KLHL29: variants seen among roughly 807,000 people sequenced by gnomAD.
KLHL29 encodes the protein kelch like family member 29, also known as kelch-like protein 29.
In KLHL29, 21 loss-of-function variants were observed where a neutral mutation model predicts 80.4. The observed-to-expected ratio is 0.26, with a 90% confidence interval of 0.19 to 0.38. The LOEUF (loss-of-function observed/expected upper bound fraction) is 0.38, where lower values mean the gene tolerates loss of function less well. Among genes scored for constraint, KLHL29 ranks in the 10% least tolerant of loss-of-function variants. The pLI, the probability that KLHL29 is intolerant of heterozygous loss-of-function variation, is 1.00. For synonymous variants in KLHL29, 511 were observed against 526.8 expected, an observed-to-expected ratio of 0.97 and a Z score of 0.41; for missense variants, 867 against 1,223.9, an observed-to-expected ratio of 0.71 and a Z score of 4.35.
At chr2:23,618,325 C>T (rs1171238492) in intron 3 of KLHL29, among the ~76,000 whole-genome samples, 1 of 152,076 alleles carries the variant, frequency 6.6e-6, no homozygotes, top group Non-Finnish European at 1.5e-5. Flanking sequence ...GGTATTTGGG[C>T]CAAAGATGAT....
intron 1 of KLHL29, among the ~76,000 whole-genome samples, chr2:23,465,253 G>A (rs148109736): frequency 5.8e-3 from 876 of 152,292 alleles, no homozygotes; most frequent in Non-Finnish European, 0.01. Context: ...CAGCGTTTGG[G>A]TGCTGATGGG....
intron 1 of KLHL29, among the ~76,000 whole-genome samples, chr2:23,429,375 A>T (rs1403670587): frequency 1.3e-5 from 2 of 152,190 alleles, no homozygotes; most frequent in Non-Finnish European, 2.9e-5. Flanking sequence ...GCCCTGAGGG[A>T]CAGAGCTTTG....
In KLHL29 at chr2:23,703,831, C is replaced by T; in HGVS notation, c.2412C>T (p.Gly804=). 2.0e-6 allele frequency: 3 copies of T among 1,537,398 alleles called. No homozygotes were observed. Among genetic ancestry groups the T allele is most frequent in the African/African-American group, 1.4e-5 (1 of 73,172 alleles). The change falls in exon 13 of 14, where the codon GGC becomes GGT. Residue 804 remains glycine, a synonymous_variant. Transcript: ENST00000486442. ...YDPEKGNIKA[G]PNMNHSRQFC... ...CTGAGAAAGGAAACATTAAGGCGGG[C>T]CCAAACATGAACCACTCTCGCCAGT...
Position 23,506,090 on chromosome 2 carries a change from G to A in KLHL29, c.-46+30423G>A, listed in dbSNP as rs141249404. On this transcript the variant is annotated intron_variant, in intron 2 of 13. Transcript: ENST00000486442. ...GCAGCAACAGGAGCACTCTGGGCTTGAGAACCCTTGGTATCCTTTCATCTT... is the reference window on the plus strand; with the variant it reads ...GCAGCAACAGGAGCACTCTGGGCTTAAGAACCCTTGGTATCCTTTCATCTT... Among the ~76,000 whole-genome samples the A allele has an allele frequency of 3.1e-3, 471 of 152,350 alleles. 4 individuals carry two copies. Among genetic ancestry groups the A allele is most frequent in the African/African-American group, 0.011 (444 of 41,582 alleles).
chr2:23,512,844 C>T (rs1158539021), intron 2 of KLHL29, among the ~76,000 whole-genome samples: 2 of 152,226 alleles, frequency 1.3e-5, no homozygotes, highest in African/African-American at 4.8e-5. Flanking sequence ...TTTTCCAGGC[C>T]CTGGAGATTG....
At chr2:23,620,811 T>C (rs576817532) in intron 3 of KLHL29, among the ~76,000 whole-genome samples, 7 of 152,190 alleles carry the variant, frequency 4.6e-5, no homozygotes, top group African/African-American at 1.7e-4. Flanking sequence ...ATAAACATCA[T>C]TGAAAGAGAG....
At chr2:23,556,476 C>CA (rs113043704) in intron 2 of KLHL29, among the ~76,000 whole-genome samples, 22,602 of 143,546 alleles carry the variant, frequency 0.16, 2,481 homozygotes, top group African/African-American at 0.3. Flanking sequence ...CCATTTCTAC[C>CA]AAAAAAAAAA....
intron 4 of KLHL29, 93 bp from the exon 5 acceptor site, chr2:23,642,245 G>A: frequency 2.5e-6 from 3 of 1,202,682 alleles, no homozygotes; most frequent in Middle Eastern, 2.0e-4. Flanking sequence ...GTTCCCCTCT[G>A]TGACCTAGCA....
At chr2:23,606,130 C>T (rs1668715863) in intron 3 of KLHL29, among the ~76,000 whole-genome samples, 1 of 149,082 alleles carries the variant, frequency 6.7e-6, no homozygotes, top group Non-Finnish European at 1.5e-5. Flanking sequence ...GGGGATCATT[C>T]CGTGAGCTAG....
chr2:23,504,162 A>T (rs1665529203), intron 2 of KLHL29, among the ~76,000 whole-genome samples: 1 of 152,230 alleles, frequency 6.6e-6, no homozygotes, highest in Non-Finnish European at 1.5e-5. Flanking sequence ...TACTGTGTTC[A>T]GGGGCCAGAT....
intron 2 of KLHL29, among the ~76,000 whole-genome samples, chr2:23,516,248 C>A (rs1665918909): frequency 6.6e-6 from 1 of 152,102 alleles, no homozygotes; most frequent in African/African-American, 2.4e-5. Context: ...GCCATGGGCA[C>A]CTGCTGGGCC....
At chr2:23,605,462 G>T (rs1441357627) in intron 3 of KLHL29, among the ~76,000 whole-genome samples, 4 of 152,080 alleles carry the variant, frequency 2.6e-5, no homozygotes, top group African/African-American at 9.7e-5. Flanking sequence ...GGCTTCATAG[G>T]GCCCAGACCA....
chr2:23,644,123 T>C (rs1388303163), intron 5 of KLHL29: 1 of 152,226 alleles, frequency 6.6e-6, no homozygotes, highest in African/African-American at 2.4e-5. Flanking sequence ...CTAACTGCCT[T>C]TGTTTTGGAA....
Position 23,647,822 on chromosome 2 carries a change from G to C in KLHL29, c.940+4972G>C, listed in dbSNP as rs1451523367. On this transcript the variant is annotated intron_variant, in intron 5 of 13. Transcript: ENST00000486442. This position sits in a 1 kb window ranked among gnomAD's most constrained non-coding sequence, Gnocchi z 4.9. ...TGGCTCTCCAGTCTAGCCGTGCACT[G>C]TGCCTCGGTCGAGTGCCTGTGAGAC... is the stretch of plus-strand genomic sequence containing the variant. Among the ~76,000 whole-genome samples the C allele has an allele frequency of 6.6e-6, 1 of 152,096 alleles. No homozygotes were observed. The highest frequency in any genetic ancestry group is 1.5e-5 in the Non-Finnish European group (1 of 68,018).
Position 23,703,205 on chromosome 2 carries a change from C to A in KLHL29, c.2125C>A (p.Gln709Lys). The change falls in exon 12 of 14, where the codon CAA (glutamine) becomes AAA (lysine). Residue 709 changes from glutamine to lysine, a missense_variant. Physicochemically the swap from Gln to Lys is moderately conservative, Grantham distance 53. Around this residue, in one of 2 missense-constraint regions of KLHL29, gnomAD observed 443 missense variants for 767.0 expected, o/e 0.58. Coordinates refer to ENST00000486442, the MANE Select transcript of KLHL29 (RefSeq NM_052920.2). Reference sequence around the variant, plus strand: ...CTGCAGGTACGACACCATCACCAACCAATGGGAGGCGGTGGCCCCTCTGCC... The same window carrying A: ...CTGCAGGTACGACACCATCACCAACAAATGGGAGGCGGTGGCCCCTCTGCC... ...HVERYDTITN[Q>K]WEAVAPLPKA... 1.4e-6 allele frequency: 2 copies of A among 1,461,846 alleles called. No individual in the cohort carries two copies. The highest frequency in any genetic ancestry group is 1.8e-6 in the Non-Finnish European group (2 of 1,103,006). The allele number at this position is 1,461,846 out of a possible 1,614,324, so 90.6% of individuals were successfully genotyped here.
At chr2:23,675,894 G>T (rs1572487496) in intron 5 of KLHL29, among the ~76,000 whole-genome samples, 1 of 152,186 alleles carries the variant, frequency 6.6e-6, no homozygotes, top group African/African-American at 2.4e-5. Context: ...TTGGGGGAAT[G>T]TGATCTAACC....
chr2:23,679,380 A>G (rs998396389), intron 5 of KLHL29, among the ~76,000 whole-genome samples: 1 of 152,208 alleles, frequency 6.6e-6, no homozygotes, highest in Non-Finnish European at 1.5e-5. Flanking sequence ...TCATGCTCCA[A>G]CAGGCTAGCC....
At chr2:23,662,271 A>G (rs1670430824) in intron 5 of KLHL29, among the ~76,000 whole-genome samples, 1 of 152,210 alleles carries the variant, frequency 6.6e-6, no homozygotes, top group South Asian at 2.1e-4. Context: ...CGTCTCGTCT[A>G]GATATTTTTG....
intron 1 of KLHL29, among the ~76,000 whole-genome samples, chr2:23,430,990 G>A (rs1301635031): frequency 6.6e-6 from 1 of 152,208 alleles, no homozygotes; most frequent in African/African-American, 2.4e-5. Flanking sequence ...TCCCTACACT[G>A]AAAGGATGCA....
Sources: allele counts gnomAD v4.1 joint callset (sites outside exome capture counted in the v4.1 genomes callset), GRCh38; gene constraint gnomAD v4.1.1; regional missense constraint gnomAD v4.1.1; non-coding constraint Gnocchi (gnomAD v3.1); transcripts MANE v1.5; gene names NCBI Gene and HGNC (gene_info 2026-07-23, HGNC 2026-07-21).